Variants in CNTNAP2 observed in about 807,000 individuals in gnomAD.
CNTNAP2 encodes the protein contactin associated protein 2.
A neutral mutation model predicts 155.2 loss-of-function variants in CNTNAP2; 98 were observed. That is an observed-to-expected ratio of 0.63 (90% CI 0.54 to 0.75). The LOEUF is 0.75. Ranked by LOEUF, CNTNAP2 falls within the 30% of genes least tolerant of loss-of-function variation. CNTNAP2 has a pLI of 0.00. For synonymous variants in CNTNAP2, 651 were observed against 631.2 expected, an observed-to-expected ratio of 1.03 and a Z score of -0.47; for missense variants, 1,727 against 1,688.1, an observed-to-expected ratio of 1.02 and a Z score of -0.40.
At chr7:147,173,212 CAT>C (rs762404483) in intron 8 of CNTNAP2, among the ~76,000 whole-genome samples, 22 of 151,992 alleles carry the variant, frequency 1.4e-4, no homozygotes, top group Non-Finnish European at 2.2e-4. Context: ...ACTATAATAA[CAT>C]ATTTAAAAAT....
At chr7:146,633,852 A>C (rs907026114) in intron 1 of CNTNAP2, among the ~76,000 whole-genome samples, 2 of 148,634 alleles carry the variant, frequency 1.3e-5, no homozygotes, top group Admixed American at 6.7e-5. Context: ...AAAAAAAAAA[A>C]AAAACAGAAA....
intron 2 of CNTNAP2, among the ~76,000 whole-genome samples, chr7:146,795,901 A>C (rs962164877): frequency 6.6e-6 from 1 of 152,310 alleles, no homozygotes; most frequent in Non-Finnish European, 1.5e-5. Flanking sequence ...AACAACTTAA[A>C]TGTCCATAAA....
intron 1 of CNTNAP2, among the ~76,000 whole-genome samples, chr7:146,572,505 G>A (rs1156637269): frequency 1.3e-5 from 2 of 152,078 alleles, no homozygotes; most frequent in Non-Finnish European, 2.9e-5. Context: ...CATGAATAAA[G>A]CTGAGAAAAC....
chr7:147,996,951 C>A lies in CNTNAP2; in HGVS notation c.2383+18962C>A, dbSNP rs144704981. 3.3e-3 allele frequency among the ~76,000 whole-genome samples: 499 copies of A among 152,222 alleles called. 3 individuals are homozygous for A. Among genetic ancestry groups the A allele is most frequent in the Non-Finnish European group, 5.6e-3 (383 of 68,016 alleles). On this transcript the variant is annotated intron_variant, in intron 15 of 23. Coordinates refer to ENST00000361727, the MANE Select transcript of CNTNAP2 (RefSeq NM_014141.6). ...GTGGGGCTCTGGGAGGCAATTAGGTCATGAGGCCACTCCCATTAATGGGAT... is the reference window on the plus strand; with the variant it reads ...GTGGGGCTCTGGGAGGCAATTAGGTAATGAGGCCACTCCCATTAATGGGAT...
intron 3 of CNTNAP2, among the ~76,000 whole-genome samples, chr7:147,017,032 T>TAA (rs58493647): frequency 1.7e-3 from 242 of 143,060 alleles, no homozygotes; most frequent in South Asian, 4.9e-3. Context: ...TTTAAGCTAG[T>TAA]AAAAAAAAAA....
intron 8 of CNTNAP2, among the ~76,000 whole-genome samples, chr7:147,191,549 C>G (rs1802680807): frequency 6.6e-6 from 1 of 152,066 alleles, no homozygotes. Context: ...AGGGTACAGT[C>G]ATGTCTTAGG....
chr7:147,847,928 C>T (rs1563109390), intron 13 of CNTNAP2, among the ~76,000 whole-genome samples: 2 of 129,550 alleles, frequency 1.5e-5, no homozygotes, highest in African/African-American at 5.9e-5. Context: ...GGGTCAGGGA[C>T]CCACTTGAGG....
At chr7:147,016,697 G>A (rs550409945) in intron 3 of CNTNAP2, among the ~76,000 whole-genome samples, 1 of 152,156 alleles carries the variant, frequency 6.6e-6, no homozygotes, top group African/African-American at 2.4e-5. Flanking sequence ...ACTTTTGACA[G>A]ACCCATATTG....
chr7:146,360,213 C>G (rs1369957830), intron 1 of CNTNAP2, among the ~76,000 whole-genome samples: 1 of 152,176 alleles, frequency 6.6e-6, no homozygotes, highest in Non-Finnish European at 1.5e-5. Context: ...ACTTCCCTTG[C>G]CTCCTTGCCC....
chr7:148,374,045 C>T (rs750507189), intron 21 of CNTNAP2, among the ~76,000 whole-genome samples: 49 of 152,332 alleles, frequency 3.2e-4, no homozygotes, highest in Non-Finnish European at 6.3e-4. Flanking sequence ...GTTAAGGGAA[C>T]CATCCAATAC....
At chr7:147,620,183 A>G (rs546957896) in intron 12 of CNTNAP2, among the ~76,000 whole-genome samples, 25 of 152,342 alleles carry the variant, frequency 1.6e-4, no homozygotes, top group African/African-American at 5.8e-4. Flanking sequence ...CCTTCTGAAT[A>G]TCTGGAAAGC....
intron 10 of CNTNAP2, among the ~76,000 whole-genome samples, chr7:147,423,932 T>C (rs1427181563): frequency 6.6e-6 from 1 of 152,202 alleles, no homozygotes; most frequent in African/African-American, 2.4e-5. Context: ...TCTTTGCTCC[T>C]CTCTCTTTCC....
intron 9 of CNTNAP2, among the ~76,000 whole-genome samples, chr7:147,327,128 T>TA (rs1334041171): frequency 6.9e-6 from 1 of 144,762 alleles, no homozygotes; most frequent in Admixed American, 7.0e-5. Context: ...AGGGGCTTGT[T>TA]AGGTTTTTCT....
intron 1 of CNTNAP2, among the ~76,000 whole-genome samples, chr7:146,235,837 C>T (rs1200158997): frequency 6.6e-6 from 1 of 151,960 alleles, no homozygotes; most frequent in African/African-American, 2.4e-5. Context: ...TGCCTTTTTG[C>T]CTTCTTATAA....
intron 21 of CNTNAP2, among the ~76,000 whole-genome samples, chr7:148,302,853 C>A (rs1797420274): frequency 8.6e-6 from 1 of 116,136 alleles, no homozygotes; most frequent in Non-Finnish European, 1.6e-5. Flanking sequence ...GAGTCTCTCT[C>A]TGTCACCCAG....
intron 9 of CNTNAP2, among the ~76,000 whole-genome samples, chr7:147,338,417 G>A (rs1364740035): frequency 6.6e-6 from 1 of 152,054 alleles, no homozygotes; most frequent in Non-Finnish European, 1.5e-5. Flanking sequence ...AAGAGCAAGG[G>A]CAGTCTACAC....
At chr7:147,839,905 ATG>A (rs751893206) in intron 13 of CNTNAP2, among the ~76,000 whole-genome samples, 45 of 151,064 alleles carry the variant, frequency 3.0e-4, no homozygotes, top group African/African-American at 1.0e-3. Context: ...GTGTATATAT[ATG>A]TGTGTGTGTG....
chr7:146,369,030 T>TATATATATATATATATATATAC (rs1795194771), intron 1 of CNTNAP2, among the ~76,000 whole-genome samples: 3 of 81,070 alleles, frequency 3.7e-5, no homozygotes, highest in Non-Finnish European at 6.2e-5. Flanking sequence ...AAGCATTATG[T>TATATATATATATATATATATAC]ATATATATAT....
chr7:146,714,536 C>T lies in CNTNAP2; in HGVS notation c.98-59735C>T, dbSNP rs926825294. On this transcript the variant is annotated intron_variant, in intron 1 of 23. Transcript: ENST00000361727. ...TTTTGTAAACTTAGGGTTAACAAACCTATTTATAATTATTGTGTTAACACA... is the reference window on the plus strand; with the variant it reads ...TTTTGTAAACTTAGGGTTAACAAACTTATTTATAATTATTGTGTTAACACA... Among the ~76,000 whole-genome samples, 6 of 152,152 alleles carry T rather than the reference C, an allele frequency of 3.9e-5. No individual in the cohort carries two copies. The East Asian group carries it at 1.2e-3, about 29-fold the overall frequency.
Sources: allele counts gnomAD v4.1 joint callset (sites outside exome capture counted in the v4.1 genomes callset), GRCh38; gene constraint gnomAD v4.1.1; transcripts MANE v1.5; gene names NCBI Gene and HGNC (gene_info 2026-07-23, HGNC 2026-07-21).